The following EYA2 variants were observed in gnomAD, a reference collection of about 807,000 sequenced individuals.
The protein encoded by EYA2 is protein phosphatase EYA2.
In EYA2, 31 loss-of-function variants were observed where a neutral mutation model predicts 69.2. The observed-to-expected ratio is 0.45, with a 90% CI of 0.34 to 0.60. The LOEUF is 0.60. Ranked by LOEUF, EYA2 falls within the 20% of genes least tolerant of loss-of-function variation. The pLI is 0.02. For missense variants in EYA2, 622 were observed against 701.2 expected (o/e 0.89, Z 1.28); for synonymous variants, 257 against 279.4 (o/e 0.92, Z 0.80).
intron 3 of EYA2, 60 bp downstream of exon 3, chr20:47,001,533 T>C (rs1350664468): frequency 1.9e-6 from 3 of 1,567,432 alleles, no homozygotes; most frequent in South Asian, 2.2e-5. Flanking sequence ...TCTTGGAAGG[T>C]AGAGGTTAAG....
At chr20:47,114,696 A>T (rs1349258192) in intron 9 of EYA2, among the ~76,000 whole-genome samples, 1 of 152,228 alleles carries the variant, frequency 6.6e-6, no homozygotes, top group African/African-American at 2.4e-5. Context: ...CCCCAGTCTC[A>T]TGTTAAATTA....
intron 10 of EYA2, among the ~76,000 whole-genome samples, chr20:47,158,737 C>A (rs755818341): frequency 3.3e-5 from 5 of 151,874 alleles, no homozygotes; most frequent in Non-Finnish European, 7.4e-5. Flanking sequence ...AGGAATTGCT[C>A]AGGAAAACCC....
intron 1 of EYA2, among the ~76,000 whole-genome samples, chr20:46,942,616 T>C (rs1486450387): frequency 6.6e-6 from 1 of 152,192 alleles, no homozygotes; most frequent in African/African-American, 2.4e-5. Flanking sequence ...ACAGCTGGGC[T>C]CTGGAGTGGA....
rs138582273 is a variant in EYA2 at position 47,068,080 on chromosome 20, T to C, written c.416-4105T>C. 3.0e-3 allele frequency among the ~76,000 whole-genome samples: 453 copies of C among 152,362 alleles called. 1 individual carries two copies. Among genetic ancestry groups the C allele is most frequent in the African/African-American group, 0.01 (427 of 41,584 alleles). On this transcript the variant is annotated intron_variant, in intron 5 of 15. Coordinates refer to ENST00000327619, the MANE Select transcript of EYA2 (RefSeq NM_005244.5). ...AATTAATCTTAGCTTCACAGCCTAC[T>C]AGCTTTATGACTTGGGAAAAACTCC...
At chr20:47,134,988 G>T (rs368011523) in intron 9 of EYA2, among the ~76,000 whole-genome samples, 5 of 151,976 alleles carry the variant, frequency 3.3e-5, no homozygotes, top group Admixed American at 6.6e-5. Context: ...TTAGCCGGGC[G>T]TGGTGGCGGG....
At chr20:47,030,807 T>A (rs1934843) in intron 5 of EYA2, among the ~76,000 whole-genome samples, 2 of 152,062 alleles carry the variant, frequency 1.3e-5, no homozygotes, top group Non-Finnish European at 2.9e-5. Context: ...GCCCAGACTG[T>A]AGTGCAGTGG....
In EYA2 at chr20:47,051,866, G is replaced by A. The variant is rs74832001; in HGVS notation, c.416-20319G>A. Among the ~76,000 whole-genome samples the A allele has an allele frequency of 5.0e-3, 764 of 152,264 alleles. 6 individuals carry two copies. The highest frequency in any genetic ancestry group is 0.018 in the African/African-American group (730 of 41,526). ...CTCTGTTGTTTTCCTTTTTGGCAGA[G>A]GATAAGCTAGGATAACCACAGCTCG... On this transcript the variant is annotated intron_variant, in intron 5 of 15. Coordinates refer to ENST00000327619, the MANE Select transcript of EYA2 (RefSeq NM_005244.5).
chr20:47,047,096 G>A (rs1027524347), intron 5 of EYA2, among the ~76,000 whole-genome samples: 1 of 152,078 alleles, frequency 6.6e-6, no homozygotes, highest in African/African-American at 2.4e-5. Flanking sequence ...TCTTTTCAAA[G>A]TTTAAATGTT....
chr20:46,992,979 C>G (rs1026433961), intron 2 of EYA2, among the ~76,000 whole-genome samples: 8 of 152,134 alleles, frequency 5.3e-5, no homozygotes, highest in African/African-American at 1.9e-4. Flanking sequence ...TTCAAAGGTC[C>G]TACTCAAAGG....
chr20:46,923,221 C>T (rs1176384773), intron 1 of EYA2, among the ~76,000 whole-genome samples: 1 of 152,076 alleles, frequency 6.6e-6, no homozygotes, highest in Non-Finnish European at 1.5e-5. Context: ...TACAAATTAG[C>T]CAGGCGTGGT....
At chr20:46,896,702 C>A (rs1031343868) in intron 1 of EYA2, among the ~76,000 whole-genome samples, 6 of 152,138 alleles carry the variant, frequency 3.9e-5, no homozygotes, top group Non-Finnish European at 8.8e-5. Flanking sequence ...TCCTTGCCTT[C>A]GTAGCAAACT....
chr20:47,022,813 C>T lies in EYA2; in HGVS notation c.415+6516C>T. ...GGACTAGCAGGTGCCTGCCACCATG[C>T]CCAGCTAATTTTGTTTATTTTTTGT... On this transcript the variant is annotated intron_variant, in intron 5 of 15. Coordinates refer to ENST00000327619, the MANE Select transcript of EYA2 (RefSeq NM_005244.5). Among the ~76,000 whole-genome samples the T allele has an allele frequency of 1.3e-5, 2 of 151,024 alleles. 1 individual carries two copies. The highest frequency in any genetic ancestry group is 4.0e-4 in the East Asian group (2 of 5,014).
chr20:46,957,890 A>G (rs1979233247), intron 1 of EYA2, among the ~76,000 whole-genome samples: 1 of 152,196 alleles, frequency 6.6e-6, no homozygotes, highest in African/African-American at 2.4e-5. Context: ...AATAAAATGT[A>G]TAAGCTTCTC....
chr20:47,018,124 G>A lies in EYA2; in HGVS notation c.415+1827G>A, dbSNP rs192848622. On this transcript the variant is annotated intron_variant, in intron 5 of 15. Coordinates refer to ENST00000327619, the MANE Select transcript of EYA2 (RefSeq NM_005244.5). The stretch of plus-strand genomic sequence containing the variant: ...GTGTGAAGGTACTGAACTTCAACTT[G>A]TATTTGAGTCCATCTCAAGCCAGTT... Among the ~76,000 whole-genome samples the A allele has an allele frequency of 3.5e-3, 538 of 152,294 alleles. 5 individuals are homozygous for A. The highest frequency in any genetic ancestry group is 0.012 in the African/African-American group (498 of 41,556).
At chr20:47,105,722 A>G (rs971434785) in intron 9 of EYA2, among the ~76,000 whole-genome samples, 7 of 152,038 alleles carry the variant, frequency 4.6e-5, no homozygotes, top group African/African-American at 1.7e-4. Flanking sequence ...TCCAACACAC[A>G]CACATTTGAA....
intron 1 of EYA2, among the ~76,000 whole-genome samples, chr20:46,943,064 C>T (rs1986221635): frequency 6.6e-6 from 1 of 152,230 alleles, no homozygotes; most frequent in Admixed American, 6.5e-5. Flanking sequence ...GCGCTCCCGG[C>T]TGGTTCTCTG....
Position 47,120,588 on chromosome 20 carries a change from G to A in EYA2, c.889-22471G>A, listed in dbSNP as rs190501738. The stretch of plus-strand genomic sequence containing the variant: ...TGACATTTCTGACTGGAATCCTGCC[G>A]GGTGATGTGACACTGTGGAGTCTAA... On this transcript the variant is annotated intron_variant, in intron 9 of 15. Transcript: ENST00000327619. 1.1e-4 allele frequency among the ~76,000 whole-genome samples: 16 copies of A among 152,160 alleles called. No individual in the cohort carries two copies. In the East Asian group the frequency reaches 2.1e-3, roughly 20 times the overall value.
intron 1 of EYA2, among the ~76,000 whole-genome samples, chr20:46,907,264 A>G (rs1984404632): frequency 6.6e-6 from 1 of 152,274 alleles, no homozygotes; most frequent in South Asian, 2.1e-4. Context: ...TGTGAGGTTC[A>G]AGCTGGAAAA....
intron 1 of EYA2, among the ~76,000 whole-genome samples, chr20:46,961,272 G>A (rs1437922826): frequency 1.3e-5 from 2 of 152,172 alleles, no homozygotes; most frequent in Admixed American, 6.5e-5. Flanking sequence ...GTTACAGTGA[G>A]CCAAGATCAT....
Sources: allele counts gnomAD v4.1 joint callset (sites outside exome capture counted in the v4.1 genomes callset), GRCh38; gene constraint gnomAD v4.1.1; transcripts MANE v1.5; gene names NCBI Gene and HGNC (gene_info 2026-07-23, HGNC 2026-07-21).